The following MRPL39 variants were observed in gnomAD, a reference collection of about 807,000 sequenced individuals.
The protein encoded by MRPL39 is mitochondrial ribosomal protein L39.
MRPL39 carries 35 observed loss-of-function variants against 44.5 expected under a neutral mutation model. That is an observed-to-expected ratio of 0.79 (90% CI 0.60 to 1.04). The LOEUF is 1.04. Among genes scored for constraint, MRPL39 ranks in the 50% least tolerant of loss-of-function variants. MRPL39 has a pLI of 0.00. For synonymous variants in MRPL39, 139 were observed against 136.1 expected (o/e 1.02, Z -0.15); for missense variants, 433 against 413.5 (o/e 1.05, Z -0.41).
Position 25,604,058 on chromosome 21 carries a change from A to G in MRPL39, c.281-123T>C, listed in dbSNP as rs2031597383. ...ATTCTGCAGACTGTCCTTTTTAGAG[A>G]AAAAAAGTATATTACGTCTATAATC... On this transcript the variant is annotated intron_variant, in intron 2 of 9. Coordinates refer to ENST00000352957, the MANE Select transcript of MRPL39 (RefSeq NM_017446.4). 5 of 917,478 alleles carry G rather than the reference A, an allele frequency of 5.4e-6. No homozygotes were observed. The South Asian group carries it at 7.1e-5, about 13-fold the overall frequency. The allele number at this position is 917,478 out of a possible 1,614,324, so 56.8% of individuals were successfully genotyped here.
At chr21:25,603,743 T>C in intron 3 of MRPL39, 53 bp downstream of exon 3, 1 of 1,531,854 alleles carries the variant, frequency 6.5e-7, no homozygotes. Flanking sequence ...CAGGTCTTAA[T>C]AAAAAGGTGA....
chr21:25,607,499 G>T (rs765422382), upstream of MRPL39: 105 of 1,606,998 alleles, frequency 6.5e-5, no homozygotes, highest in Non-Finnish European at 8.7e-5. Context: ...ACCGTCGCGC[G>T]CAAGTCCTTC....
chr21:25,587,983 T>C (rs1164656224), intron 9 of MRPL39, among the ~76,000 whole-genome samples: 3 of 152,068 alleles, frequency 2.0e-5, no homozygotes, highest in East Asian at 1.9e-4. Context: ...ACTTAGCCTA[T>C]GAAATAGGAA....
At chr21:25,586,776 C>A (rs533249799) in intron 9 of MRPL39, among the ~76,000 whole-genome samples, 1 of 152,300 alleles carries the variant, frequency 6.6e-6, no homozygotes, top group African/African-American at 2.4e-5. Flanking sequence ...TTTATTCACC[C>A]TTTAAAATCA....
chr21:25,594,242 CTTTGTTCTTTTTTT>C (rs2031276942), intron 6 of MRPL39, among the ~76,000 whole-genome samples: 1 of 39,498 alleles, frequency 2.5e-5, no homozygotes, highest in Admixed American at 3.5e-4. Context: ...ATTTTTATTT[CTTTGTTCTTTTTTT>C]TTTTTTTTTT....
In MRPL39 at chr21:25,588,311, C is replaced by CA. The variant is rs59677467; in HGVS notation, c.969+523dup. The stretch of plus-strand genomic sequence containing the variant: ...TGGGAGACAGAACAAGACTCTGTCT[C>CA]AAAAAAAAAAAGAAAAGAAATACTA... On this transcript the variant is annotated intron_variant, in intron 9 of 9. Coordinates refer to ENST00000352957, the MANE Select transcript of MRPL39 (RefSeq NM_017446.4). Among the ~76,000 whole-genome samples, 631 of 145,910 alleles carry CA rather than the reference C, an allele frequency of 4.3e-3. 5 individuals carry two copies. The highest frequency in any genetic ancestry group is 0.015 in the African/African-American group (591 of 39,106).
intron 6 of MRPL39, 98 bp from the exon 7 acceptor site, chr21:25,594,056 C>G: frequency 2.0e-6 from 2 of 1,005,568 alleles, no homozygotes; most frequent in Non-Finnish European, 3.0e-6. Flanking sequence ...GCCATACTTT[C>G]TGAGAGTAGG....
chr21:25,599,726 T>A (rs879744183), intron 5 of MRPL39, 73 bp downstream of exon 5: 1 of 1,248,284 alleles, frequency 8.0e-7, no homozygotes, highest in African/African-American at 1.5e-5. Context: ...CATTCAACAA[T>A]ACTAACATAG....
chr21:25,607,264 A>C, intron 1 of MRPL39, 139 bp downstream of exon 1: 1 of 902,120 alleles, frequency 1.1e-6, no homozygotes, highest in South Asian at 1.6e-5. Flanking sequence ...GCTGTGCAAG[A>C]GCGACCGCCG....
intron 6 of MRPL39, among the ~76,000 whole-genome samples, chr21:25,594,193 C>G (rs2829814): frequency 0.6 from 90,176 of 150,538 alleles, 29,407 homozygotes; most frequent in Non-Finnish European, 0.75. Flanking sequence ...TTCTTAATAC[C>G]AATGCTCACC....
intron 2 of MRPL39, among the ~76,000 whole-genome samples, chr21:25,605,559 C>T (rs60369812): frequency 0.08 from 12,238 of 152,176 alleles, 1,213 homozygotes; most frequent in African/African-American, 0.22. Flanking sequence ...CATCTGAGGC[C>T]ATGGCAATCC....
At chr21:25,596,163 A>G (rs972983690) in intron 6 of MRPL39, among the ~76,000 whole-genome samples, 2 of 151,150 alleles carry the variant, frequency 1.3e-5, no homozygotes, top group African/African-American at 4.9e-5. Context: ...CAGTGGCGCC[A>G]CCTAGGCTCA....
chr21:25,594,215 A>G (rs1420970901), intron 6 of MRPL39, among the ~76,000 whole-genome samples: 1 of 147,014 alleles, frequency 6.8e-6, no homozygotes, highest in Admixed American at 6.8e-5. Flanking sequence ...CCACTTCTCA[A>G]TGTGTTCTTT....
At position 25,594,192 on chromosome 21, in the gene MRPL39, C is replaced by T. The variant is rs144312473; in HGVS notation, c.702-234G>A. Among the ~76,000 whole-genome samples the T allele has an allele frequency of 4.7e-3, 715 of 151,444 alleles. 4 individuals carry two copies. The highest frequency in any genetic ancestry group is 0.01 in the Middle Eastern group (3 of 292). On this transcript the variant is annotated intron_variant, in intron 6 of 9. Coordinates refer to ENST00000352957, the MANE Select transcript of MRPL39 (RefSeq NM_017446.4). ...TTTTTTGGTCCTCATTTTCTTAATACCAATGCTCACCTCCACTTCTCAATG... is the reference window on the plus strand; with the variant it reads ...TTTTTTGGTCCTCATTTTCTTAATATCAATGCTCACCTCCACTTCTCAATG...
chr21:25,591,387 A>T (rs561885562), intron 8 of MRPL39, among the ~76,000 whole-genome samples: 1 of 152,308 alleles, frequency 6.6e-6, no homozygotes, highest in Admixed American at 6.5e-5. Flanking sequence ...CACAAGGTAC[A>T]GACAGAAAAA....
chr21:25,601,111 T>A (rs1245046612), intron 4 of MRPL39, among the ~76,000 whole-genome samples: 1 of 151,968 alleles, frequency 6.6e-6, no homozygotes, highest in African/African-American at 2.4e-5. Context: ...CCGTCTCAAA[T>A]AAATAAATAA....
chr21:25,596,419 T>C (rs1369055282), intron 6 of MRPL39, among the ~76,000 whole-genome samples: 3 of 152,234 alleles, frequency 2.0e-5, no homozygotes, highest in Admixed American at 6.5e-5. Context: ...TTTAAGCCAC[T>C]GTTCTTCAAA....
chr21:25,595,899 G>T (rs2031340404), intron 6 of MRPL39, among the ~76,000 whole-genome samples: 1 of 152,064 alleles, frequency 6.6e-6, no homozygotes, highest in African/African-American at 2.4e-5. Flanking sequence ...GAATTTTCTT[G>T]TCGAATCAAT....
chr21:25,600,307 A>G (rs1489929466), intron 4 of MRPL39, among the ~76,000 whole-genome samples: 1 of 148,006 alleles, frequency 6.8e-6, no homozygotes, highest in Non-Finnish European at 1.5e-5. Flanking sequence ...GAGGCAGAAG[A>G]ATCGCTTGAA....
Sources: allele counts gnomAD v4.1 joint callset (sites outside exome capture counted in the v4.1 genomes callset), GRCh38; gene constraint gnomAD v4.1.1; transcripts MANE v1.5; gene names NCBI Gene and HGNC (gene_info 2026-07-23, HGNC 2026-07-21).